SHOC2: variants seen among roughly 807,000 people sequenced by gnomAD.
The protein encoded by SHOC2 is SHOC2 leucine rich repeat scaffold protein.
Under a neutral mutation model 50.2 loss-of-function variants are expected in SHOC2, and 4 were observed. The ratio of observed to expected loss-of-function variants is 0.08; its 90% CI spans 0.04 to 0.18. SHOC2 has a LOEUF of 0.18. SHOC2 is among the 10% of genes least tolerant of loss of function. The pLI is 1.00. For missense variants in SHOC2, 388 were observed against 669.6 expected (o/e 0.58, Z 4.64); for synonymous variants, 218 against 244.5 (o/e 0.89, Z 1.01).
chr10:110,994,049 CT>C (rs1226791433), intron 3 of SHOC2, among the ~76,000 whole-genome samples: 18 of 152,130 alleles, frequency 1.2e-4, no homozygotes, highest in Non-Finnish European at 2.1e-4. Flanking sequence ...AATGGATCAA[CT>C]TTCTTCCATA....
chr10:110,939,009 A>G (rs1040512658), intron 1 of SHOC2, among the ~76,000 whole-genome samples: 1 of 152,118 alleles, frequency 6.6e-6, no homozygotes, highest in Non-Finnish European at 1.5e-5. Context: ...AGTGCCTCCT[A>G]TGTATTAAAC....
At chr10:110,920,021 G>T (rs1358172507) in intron 1 of SHOC2, 1 of 148,928 alleles carries the variant, frequency 6.7e-6, no homozygotes, top group Non-Finnish European at 1.5e-5. Context: ...CGAGGGCGCG[G>T]GCCGGGGGCC....
intron 2 of SHOC2, among the ~76,000 whole-genome samples, chr10:110,966,998 C>T (rs1254912377): frequency 6.6e-6 from 1 of 152,012 alleles, no homozygotes; most frequent in African/African-American, 2.4e-5. Flanking sequence ...GGCAAACATG[C>T]AGAAGTCTGG....
chr10:110,983,585 A>G (rs1412423751), intron 2 of SHOC2, among the ~76,000 whole-genome samples: 1 of 152,156 alleles, frequency 6.6e-6, no homozygotes, highest in African/African-American at 2.4e-5. Flanking sequence ...GCACATTGAC[A>G]TTGCTGTGCA....
Position 111,012,745 on chromosome 10 carries a change from C to A in SHOC2, c.*927C>A, listed in dbSNP as rs940610806. The A allele has an allele frequency of 2.6e-5, 4 of 152,508 alleles. No individual in the cohort carries two copies. The highest frequency in any genetic ancestry group is 4.4e-5 in the Non-Finnish European group (3 of 68,014). The allele number at this position is 152,508 out of a possible 1,614,324, so 9.4% of individuals were successfully genotyped here. On this transcript the variant is annotated 3_prime_UTR_variant, in exon 9 of 9. Coordinates refer to ENST00000369452, the MANE Select transcript of SHOC2 (RefSeq NM_007373.4). ...CTATATAGATATGTATTTATTATAT[C>A]ATAAACTACAGTAGGTAACTTTAAG...
chr10:110,986,209 C>T (rs1054643844), intron 3 of SHOC2, among the ~76,000 whole-genome samples: 1 of 152,054 alleles, frequency 6.6e-6, no homozygotes, highest in Admixed American at 6.6e-5. Context: ...AGGGGATAAG[C>T]AAGGAGATGA....
intron 1 of SHOC2, among the ~76,000 whole-genome samples, chr10:110,923,217 CTT>C (rs1263063705): frequency 3.3e-5 from 5 of 151,902 alleles, no homozygotes; most frequent in African/African-American, 1.2e-4. Context: ...TGTAAACTGA[CTT>C]TTAAAATCTG....
chr10:111,003,194 C>T (rs543149541), intron 4 of SHOC2, among the ~76,000 whole-genome samples: 12 of 152,274 alleles, frequency 7.9e-5, no homozygotes, highest in African/African-American at 2.4e-4. Flanking sequence ...GATGGCTTTG[C>T]CAATTATACT....
At chr10:110,920,829 G>A (rs142002416) in intron 1 of SHOC2, among the ~76,000 whole-genome samples, 1 of 152,288 alleles carries the variant, frequency 6.6e-6, no homozygotes, top group East Asian at 1.9e-4. Flanking sequence ...TATAGTATTT[G>A]CCTCCAGCGT....
chr10:110,994,484 T>C (rs1848235631), intron 3 of SHOC2, among the ~76,000 whole-genome samples: 1 of 152,202 alleles, frequency 6.6e-6, no homozygotes, highest in African/African-American at 2.4e-5. Flanking sequence ...CATAATTCTT[T>C]TTTAAAAAAT....
chr10:111,011,595 T>G lies in SHOC2; in HGVS notation c.1541-15T>G, dbSNP rs1238990443. 1 of 1,601,510 alleles carries G rather than the reference T, an allele frequency of 6.2e-7. No individual in the cohort carries two copies. Among genetic ancestry groups the G allele is most frequent in the Non-Finnish European group, 8.5e-7 (1 of 1,171,004 alleles). The stretch of plus-strand genomic sequence containing the variant: ...AACTAATTTTTAAAAAAAAATTGAT[T>G]TTTTTTTTAAACAGGTACACTGGAG... On this transcript the variant is annotated splice_polypyrimidine_tract_variant and intron_variant, in intron 8 of 8. Coordinates refer to ENST00000369452, the MANE Select transcript of SHOC2 (RefSeq NM_007373.4).
At chr10:111,000,684 C>A in intron 4 of SHOC2, 139 bp downstream of exon 4, 1 of 745,018 alleles carries the variant, frequency 1.3e-6, no homozygotes, top group Non-Finnish European at 2.3e-6. Flanking sequence ...GAATGTACCA[C>A]CACCGCTGAA....
intron 2 of SHOC2, among the ~76,000 whole-genome samples, chr10:110,967,839 T>G (rs570568309): frequency 6.6e-6 from 1 of 152,364 alleles, no homozygotes; most frequent in East Asian, 1.9e-4. Context: ...TTTCATTATA[T>G]GAGTATACCA....
At chr10:111,007,470 G>A in intron 5 of SHOC2, 61 bp from the exon 6 acceptor site, 2 of 1,568,966 alleles carry the variant, frequency 1.3e-6, no homozygotes, top group South Asian at 1.1e-5. Context: ...CGAAGTGACA[G>A]GTATATATAG....
intron 3 of SHOC2, among the ~76,000 whole-genome samples, chr10:110,990,002 TAAA>T (rs1413817168): frequency 6.6e-6 from 1 of 152,204 alleles, no homozygotes; most frequent in African/African-American, 2.4e-5. Flanking sequence ...ATTGGAATGG[TAAA>T]GAAGAAAAGA....
intron 3 of SHOC2, among the ~76,000 whole-genome samples, chr10:110,997,528 CTTT>C (rs66612382): frequency 0.17 from 26,117 of 152,026 alleles, 3,358 homozygotes; most frequent in East Asian, 0.53. Context: ...TTTTATCATG[CTTT>C]TTCCCCCCCA....
Position 110,964,974 on chromosome 10 carries a change from A to G in SHOC2, c.616A>G (p.Thr206Ala), listed in dbSNP as rs370388274. 28 of 1,613,646 alleles carry G rather than the reference A, an allele frequency of 1.7e-5. No homozygotes were observed. The highest frequency in any genetic ancestry group is 2.2e-5 in the South Asian group (2 of 91,074). The change falls in exon 2 of 9, where the codon ACT (threonine) becomes GCT (alanine). Residue 206 changes from threonine to alanine, a missense_variant. Physicochemically the swap from Thr to Ala is moderately conservative, Grantham distance 58. Around this residue, in one of 5 missense-constraint regions of SHOC2, gnomAD observed 88 missense variants for 147.2 expected, o/e 0.60. Coordinates refer to ENST00000369452, the MANE Select transcript of SHOC2 (RefSeq NM_007373.4). This position sits in a 1 kb window ranked among gnomAD's most constrained non-coding sequence, Gnocchi z 4.9. ...TLYLRFNRIT[T>A]VEKDIKNLSK... ...TTACCTTCGCTTTAATCGTATAACTACTGTGGAAAAGGACATCAAAAACTT... is the reference window on the plus strand; with the variant it reads ...TTACCTTCGCTTTAATCGTATAACTGCTGTGGAAAAGGACATCAAAAACTT...
At chr10:111,002,718 C>T (rs1848400800) in intron 4 of SHOC2, among the ~76,000 whole-genome samples, 1 of 151,722 alleles carries the variant, frequency 6.6e-6, no homozygotes, top group Non-Finnish European at 1.5e-5. Flanking sequence ...AATTAATCCA[C>T]CAAAGTTGAC....
At chr10:110,983,908 C>T (rs942215317) in intron 2 of SHOC2, among the ~76,000 whole-genome samples, 1 of 152,100 alleles carries the variant, frequency 6.6e-6, no homozygotes, top group Non-Finnish European at 1.5e-5. Flanking sequence ...GTTATTCATT[C>T]GTTAATAGAC....
Sources: allele counts gnomAD v4.1 joint callset (sites outside exome capture counted in the v4.1 genomes callset), GRCh38; gene constraint gnomAD v4.1.1; regional missense constraint gnomAD v4.1.1; non-coding constraint Gnocchi (gnomAD v3.1); transcripts MANE v1.5; gene names NCBI Gene and HGNC (gene_info 2026-07-23, HGNC 2026-07-21).